EPHA7: variants seen among roughly 807,000 people sequenced by gnomAD.
The protein encoded by EPHA7 is EPH receptor A7.
In EPHA7, 25 loss-of-function variants were observed where a neutral mutation model predicts 112.6. The ratio of observed to expected loss-of-function variants is 0.22; its 90% confidence interval spans 0.16 to 0.31. The LOEUF is 0.31. Among genes scored for constraint, EPHA7 ranks in the 10% least tolerant of loss-of-function variants. EPHA7 has a pLI of 1.00. For missense variants in EPHA7, 962 were observed against 1,212.6 expected, an observed-to-expected ratio of 0.79 and a Z score of 3.07; for synonymous variants, 437 against 406.5, an observed-to-expected ratio of 1.07 and a Z score of -0.90.
At chr6:93,361,245 T>G (rs1776245476) in intron 3 of EPHA7, among the ~76,000 whole-genome samples, 1 of 152,036 alleles carries the variant, frequency 6.6e-6, no homozygotes, top group Non-Finnish European at 1.5e-5. Flanking sequence ...CAGTTAATAT[T>G]GAAAATAATA....
At chr6:93,372,823 T>G (rs1446974871) in intron 3 of EPHA7, among the ~76,000 whole-genome samples, 1 of 152,100 alleles carries the variant, frequency 6.6e-6, no homozygotes, top group Non-Finnish European at 1.5e-5. Flanking sequence ...ACATTCCACT[T>G]TTCACATGAA....
intron 15 of EPHA7, 55 bp downstream of exon 15, chr6:93,246,737 G>A (rs1769970206): frequency 1.4e-6 from 2 of 1,466,194 alleles, no homozygotes; most frequent in Non-Finnish European, 1.9e-6. Flanking sequence ...GAGATAAATG[G>A]TTTATGTTAC....
chr6:93,292,793 C>G (rs1395285460), intron 5 of EPHA7, among the ~76,000 whole-genome samples: 2 of 152,042 alleles, frequency 1.3e-5, no homozygotes, highest in African/African-American at 4.8e-5. Flanking sequence ...GAGAGAAAGG[C>G]AAACAACCCA....
intron 5 of EPHA7, among the ~76,000 whole-genome samples, chr6:93,327,097 T>A (rs1168051143): frequency 6.6e-6 from 1 of 151,544 alleles, no homozygotes; most frequent in Non-Finnish European, 1.5e-5. Flanking sequence ...CAGCCACCTT[T>A]ACTCTATAAA....
chr6:93,404,786 A>G (rs1778613851), intron 3 of EPHA7, among the ~76,000 whole-genome samples: 1 of 151,706 alleles, frequency 6.6e-6, no homozygotes, highest in Admixed American at 6.6e-5. Context: ...TACTTAATAC[A>G]TGCAAGTACT....
intron 5 of EPHA7, among the ~76,000 whole-genome samples, chr6:93,311,608 T>A (rs978397948): frequency 6.6e-6 from 1 of 152,102 alleles, no homozygotes; most frequent in East Asian, 1.9e-4. Context: ...CTCACCATCA[T>A]CCACAAGGGT....
At position 93,241,687 on chromosome 6, in the gene EPHA7, T is replaced by C; in HGVS notation, c.*1739A>G. On this transcript the variant is annotated 3_prime_UTR_variant, in exon 17 of 17. Coordinates refer to ENST00000369303, the MANE Select transcript of EPHA7 (RefSeq NM_004440.4). ...CATTTGAGTTTTTCTATAGCCGTCTTTGGTCCTAAATGTGGGAAAACACAT... is the reference window on the plus strand; with the variant it reads ...CATTTGAGTTTTTCTATAGCCGTCTCTGGTCCTAAATGTGGGAAAACACAT... 1 of 224,270 alleles carries C rather than the reference T, an allele frequency of 4.5e-6. No homozygotes were observed. The highest frequency in any genetic ancestry group is 6.5e-5 in the East Asian group (1 of 15,486). 13.9% of individuals were successfully genotyped at this position (224,270 alleles called of 1,614,324 possible).
chr6:93,282,363 C>T (rs1771786058), intron 5 of EPHA7, among the ~76,000 whole-genome samples: 1 of 152,224 alleles, frequency 6.6e-6, no homozygotes, highest in Admixed American at 6.5e-5. Context: ...AATACTTTTC[C>T]ATCACACCAG....
At chr6:93,401,980 A>T (rs754762800) in intron 3 of EPHA7, among the ~76,000 whole-genome samples, 4 of 151,992 alleles carry the variant, frequency 2.6e-5, no homozygotes, top group Non-Finnish European at 5.9e-5. Flanking sequence ...TCAAATGCAA[A>T]ATTTTAAGGC....
chr6:93,278,276 A>G (rs1771564652), intron 5 of EPHA7, among the ~76,000 whole-genome samples: 1 of 152,056 alleles, frequency 6.6e-6, no homozygotes, highest in Admixed American at 6.6e-5. Flanking sequence ...CTGCTAAAGT[A>G]CTGACTAAAA....
rs758801033 is a variant in EPHA7 at position 93,258,079 on chromosome 6, AAGATATAACCAAT to A, written c.2110+7_2110+19del. 1.3e-6 allele frequency: 2 copies of A among 1,593,398 alleles called. No homozygotes were observed. Among genetic ancestry groups the A allele is most frequent in the Non-Finnish European group, 8.6e-7 (1 of 1,166,076 alleles). On this transcript the variant is annotated splice_region_variant and intron_variant, in intron 11 of 16. Coordinates refer to ENST00000369303, the MANE Select transcript of EPHA7 (RefSeq NM_004440.4). Reference sequence around the variant, plus strand: ...GACACTCAGTCTTTTTGATAAAATAAAGATATAACCAATATCTACCTCTTGTAACAACCCCTTC... The same window carrying A: ...GACACTCAGTCTTTTTGATAAAATAAATCTACCTCTTGTAACAACCCCTTC...
chr6:93,328,053 C>A (rs1296669942), intron 5 of EPHA7, among the ~76,000 whole-genome samples: 1 of 151,446 alleles, frequency 6.6e-6, no homozygotes, highest in Non-Finnish European at 1.5e-5. Context: ...TTATCTCCCC[C>A]ACTGAACATG....
intron 7 of EPHA7, 130 bp from the exon 8 acceptor site, chr6:93,264,832 A>G (rs1770854332): frequency 2.3e-6 from 1 of 435,446 alleles, no homozygotes; most frequent in Non-Finnish European, 4.1e-6. Flanking sequence ...ATTGTAACAA[A>G]GTAAATTTAA....
At chr6:93,365,642 T>C (rs974809207) in intron 3 of EPHA7, among the ~76,000 whole-genome samples, 11 of 152,174 alleles carry the variant, frequency 7.2e-5, no homozygotes, top group Non-Finnish European at 2.9e-5. Context: ...ATTTTTCACG[T>C]TGAGAATGAA....
chr6:93,398,454 C>T (rs1275478228), intron 3 of EPHA7, among the ~76,000 whole-genome samples: 1 of 151,900 alleles, frequency 6.6e-6, no homozygotes, highest in Non-Finnish European at 1.5e-5. Context: ...GAAAATGTGC[C>T]ATACCGTATG....
At chr6:93,353,076 C>A (rs1775775277) in intron 5 of EPHA7, among the ~76,000 whole-genome samples, 1 of 152,022 alleles carries the variant, frequency 6.6e-6, no homozygotes, top group Non-Finnish European at 1.5e-5. Flanking sequence ...ACATGTACCA[C>A]TGAACTTAAC....
At position 93,245,425 on chromosome 6, in the gene EPHA7, T is replaced by A. The variant is rs1270494312; in HGVS notation, c.2755A>T (p.Thr919Ser). 6.2e-7 allele frequency: 1 copy of A among 1,613,382 alleles called. No individual in the cohort carries two copies. The highest frequency in any genetic ancestry group is 8.5e-7 in the Non-Finnish European group (1 of 1,179,788). Reference sequence around the variant, plus strand: ...GAACAAAAGGTAGTGAAATCAGGAGTGTTTTGATCCAGAAGAGGGCTTATT... The same window carrying A: ...GAACAAAAGGTAGTGAAATCAGGAGAGTTTTGATCCAGAAGAGGGCTTATT... Reference protein sequence around the residue: ...RPISPLLDQNTPDFTTFCSVG... With the variant: ...RPISPLLDQNSPDFTTFCSVG... The change falls in exon 16 of 17, where the codon ACT becomes TCT. Residue 919 changes from threonine (T) to serine (S), a missense_variant. Thr to Ser is a moderately conservative substitution (Grantham distance 58). This residue lies in a region of EPHA7 where 746 missense variants were observed against 889.2 expected (regional missense o/e 0.84). Coordinates refer to ENST00000369303, the MANE Select transcript of EPHA7 (RefSeq NM_004440.4).
chr6:93,327,514 T>G (rs1486338860), intron 5 of EPHA7, among the ~76,000 whole-genome samples: 1 of 151,550 alleles, frequency 6.6e-6, no homozygotes, highest in Admixed American at 6.6e-5. Context: ...ATCTTAAACA[T>G]AGCATGACAG....
intron 3 of EPHA7, among the ~76,000 whole-genome samples, chr6:93,384,399 A>C (rs553974179): frequency 1.7e-4 from 26 of 152,274 alleles, no homozygotes; most frequent in African/African-American, 6.0e-4. Context: ...CTATAGCCAA[A>C]ATTTAATCAT....
Sources: allele counts gnomAD v4.1 joint callset (sites outside exome capture counted in the v4.1 genomes callset), GRCh38; gene constraint gnomAD v4.1.1; regional missense constraint gnomAD v4.1.1; transcripts MANE v1.5; gene names NCBI Gene and HGNC (gene_info 2026-07-23, HGNC 2026-07-21).